Variants in TMEM106B observed in about 807,000 individuals in gnomAD.
TMEM106B encodes transmembrane protein 106B.
TMEM106B carries 15 observed loss-of-function variants against 31.1 expected under a neutral mutation model. That is an observed-to-expected ratio of 0.48 (90% CI 0.32 to 0.74). The LOEUF (loss-of-function observed/expected upper bound fraction) is 0.74, where lower values mean the gene tolerates loss of function less well. Among genes scored for constraint, TMEM106B ranks in the 30% least tolerant of loss-of-function variants. The pLI, the probability that TMEM106B is intolerant of heterozygous loss-of-function variation, is 0.03. For synonymous variants in TMEM106B, 126 were observed against 112.5 expected, an observed-to-expected ratio of 1.12 and a Z score of -0.76; for missense variants, 283 against 327.3, an observed-to-expected ratio of 0.86 and a Z score of 1.04.
In TMEM106B at chr7:12,238,817, T is replaced by A. The variant is rs1479238778; in HGVS notation, c.*6842T>A. On this transcript the variant is annotated 3_prime_UTR_variant, in exon 8 of 8. Coordinates refer to ENST00000396668, the MANE Select transcript of TMEM106B (RefSeq NM_001134232.2). Reference sequence around the variant, plus strand: ...TTAAAATATTCAGTGAACCGTGTTGTAAACAGATGTCATATTATCCAGACT... The same window carrying A: ...TTAAAATATTCAGTGAACCGTGTTGAAAACAGATGTCATATTATCCAGACT... 6.6e-6 allele frequency: 1 copy of A among 152,188 alleles called. No individual in the cohort carries two copies. The highest frequency in any genetic ancestry group is 1.5e-5 in the Non-Finnish European group (1 of 68,022). The allele number at this position is 152,188 out of a possible 1,614,324, so 9.4% of individuals were successfully genotyped here. A position where few individuals can be genotyped will look rare whatever the true frequency, so the allele number is the denominator to read the frequency against.
Position 12,223,803 on chromosome 7 carries a change from C to G in TMEM106B, c.282-423C>G, listed in dbSNP as rs7779603. ...TGGTGCGATCTCAGTTCACTCCAACCTCTGCCTCCCGGGTTCAAACTATTC... is the reference window on the plus strand; with the variant it reads ...TGGTGCGATCTCAGTTCACTCCAACGTCTGCCTCCCGGGTTCAAACTATTC... On this transcript the variant is annotated intron_variant, in intron 3 of 7. Transcript: ENST00000396668. Among the ~76,000 whole-genome samples the G allele has an allele frequency of 4.0e-3, 604 of 151,520 alleles. 5 individuals carry two copies. Among genetic ancestry groups the G allele is most frequent in the African/African-American group, 0.014 (576 of 41,136 alleles).
intron 3 of TMEM106B, among the ~76,000 whole-genome samples, chr7:12,218,837 T>C (rs1781736623): frequency 6.6e-6 from 1 of 152,052 alleles, no homozygotes; most frequent in African/African-American, 2.4e-5. Context: ...AACCCCAGGA[T>C]AAAAATTGGT....
Position 12,242,816 on chromosome 7 carries a change from CA to C in TMEM106B, c.*10843del, listed in dbSNP as rs573955201. On this transcript the variant is annotated 3_prime_UTR_variant, in exon 8 of 8. Coordinates refer to ENST00000396668, the MANE Select transcript of TMEM106B (RefSeq NM_001134232.2). ...TTTAAAAAAAAGAAGTGAATATTTTCAATACTTATGAACCATAGAATTCTGT... is the reference window on the plus strand; with the variant it reads ...TTTAAAAAAAAGAAGTGAATATTTTCATACTTATGAACCATAGAATTCTGT... 159 of 152,150 alleles carry C rather than the reference CA, an allele frequency of 1.0e-3. No individual in the cohort carries two copies. In the Middle Eastern group the frequency reaches 0.017, roughly 16 times the overall value. 9.4% of individuals were successfully genotyped at this position (152,150 alleles called of 1,614,324 possible). A position where few individuals can be genotyped will look rare whatever the true frequency, so the allele number is the denominator to read the frequency against.
chr7:12,232,621 T>C lies in TMEM106B; in HGVS notation c.*646T>C, dbSNP rs1488494258. 6.6e-6 allele frequency: 1 copy of C among 152,332 alleles called. No homozygotes were observed. Among genetic ancestry groups the C allele is most frequent in the Non-Finnish European group, 1.5e-5 (1 of 67,798 alleles). The allele number at this position is 152,332 out of a possible 1,614,324, so 9.4% of individuals were successfully genotyped here. A position where few individuals can be genotyped will look rare whatever the true frequency, so the allele number is the denominator to read the frequency against. Reference sequence around the variant, plus strand: ...CCTAAAATTTTGAAAGCCCCTAATGTTTTCACACATCTTTCTGTATTAGTT... The same window carrying C: ...CCTAAAATTTTGAAAGCCCCTAATGCTTTCACACATCTTTCTGTATTAGTT... On this transcript the variant is annotated 3_prime_UTR_variant, in exon 8 of 8. Transcript: ENST00000396668.
intron 2 of TMEM106B, 108 bp downstream of exon 2, chr7:12,215,135 T>A: frequency 1.2e-6 from 1 of 852,568 alleles, no homozygotes; most frequent in Non-Finnish European, 1.8e-6. Flanking sequence ...CTCTTAGAAT[T>A]AAAGTTGAAA....
chr7:12,219,034 T>A (rs987540466), intron 3 of TMEM106B, among the ~76,000 whole-genome samples: 2 of 109,210 alleles, frequency 1.8e-5, no homozygotes, highest in Non-Finnish European at 1.8e-5. Flanking sequence ...AAGATTTGCA[T>A]GCTCTAGCTT....
At chr7:12,222,477 C>T (rs1781807062) in intron 3 of TMEM106B, among the ~76,000 whole-genome samples, 1 of 152,026 alleles carries the variant, frequency 6.6e-6, no homozygotes, top group Non-Finnish European at 1.5e-5. Flanking sequence ...CTTATAAGCC[C>T]TAAGGACTAG....
chr7:12,242,374 C>T lies in TMEM106B; in HGVS notation c.*10399C>T, dbSNP rs1348754995. 1.8e-4 allele frequency: 3 copies of T among 16,626 alleles called. 1 individual carries two copies. The highest frequency in any genetic ancestry group is 2.0e-3 in the African/African-American group (2 of 1,006). The allele number at this position is 16,626 out of a possible 1,614,324, so 1.0% of individuals were successfully genotyped here. A position where few individuals can be genotyped will look rare whatever the true frequency, so the allele number is the denominator to read the frequency against. ...CGGCCTGGGCGACAGAGCGAGACTC[C>T]GTCTCAAAAAAAAAAAAAAAAAAAA... On this transcript the variant is annotated 3_prime_UTR_variant, in exon 8 of 8. Coordinates refer to ENST00000396668, the MANE Select transcript of TMEM106B (RefSeq NM_001134232.2).
At chr7:12,225,734 T>G (rs1361196670) in intron 4 of TMEM106B, among the ~76,000 whole-genome samples, 1 of 152,100 alleles carries the variant, frequency 6.6e-6, no homozygotes, top group Non-Finnish European at 1.5e-5. Flanking sequence ...TTTTTTAAGT[T>G]CTTTGTAGAT....
chr7:12,216,038 G>A (rs1020006), intron 2 of TMEM106B, among the ~76,000 whole-genome samples: 76,043 of 151,710 alleles, frequency 0.5, 19,933 homozygotes, highest in African/African-American at 0.64. Context: ...TATACTTTGT[G>A]TACCTTTTTA....
rs1425639394 is a variant in TMEM106B at position 12,238,900 on chromosome 7, C to A, written c.*6925C>A. On this transcript the variant is annotated 3_prime_UTR_variant, in exon 8 of 8. Coordinates refer to ENST00000396668, the MANE Select transcript of TMEM106B (RefSeq NM_001134232.2). ...AAAGTTTTAAGGGTCCTAGGATTTTCAGGATGGCAAATGAGCATTGGCTTC... is the reference window on the plus strand; with the variant it reads ...AAAGTTTTAAGGGTCCTAGGATTTTAAGGATGGCAAATGAGCATTGGCTTC... The A allele has an allele frequency of 6.6e-6, 1 of 152,116 alleles. No individual in the cohort carries two copies. The highest frequency in any genetic ancestry group is 1.9e-4 in the East Asian group (1 of 5,188). The allele number at this position is 152,116 out of a possible 1,614,324, so 9.4% of individuals were successfully genotyped here. A position where few individuals can be genotyped will look rare whatever the true frequency, so the allele number is the denominator to read the frequency against.
At position 12,239,342 on chromosome 7, in the gene TMEM106B, T is replaced by G. The variant is rs1782200231; in HGVS notation, c.*7367T>G. On this transcript the variant is annotated 3_prime_UTR_variant, in exon 8 of 8. Transcript: ENST00000396668. ...ACTTAAGGCAATGTTGTGGCTGGTT[T>G]GATCTATTGAAACCACTAAAACATT... is the stretch of plus-strand genomic sequence containing the variant. 1 of 152,212 alleles carries G rather than the reference T, an allele frequency of 6.6e-6. No individual in the cohort carries two copies. The highest frequency in any genetic ancestry group is 2.4e-5 in the African/African-American group (1 of 41,456). The allele number at this position is 152,212 out of a possible 1,614,324, so 9.4% of individuals were successfully genotyped here.
At chr7:12,227,099 C>A (rs1001114767) in intron 4 of TMEM106B, among the ~76,000 whole-genome samples, 1 of 152,010 alleles carries the variant, frequency 6.6e-6, no homozygotes, top group Non-Finnish European at 1.5e-5. Flanking sequence ...CAGAAATTCT[C>A]ACATTTTGGA....
Position 12,216,013 on chromosome 7 carries a change from G to T in TMEM106B, c.217+986G>T, listed in dbSNP as rs77539912. Among the ~76,000 whole-genome samples, 189 of 152,054 alleles carry T rather than the reference G, an allele frequency of 1.2e-3. 2 individuals carry two copies. In the East Asian group the frequency reaches 0.02, roughly 16 times the overall value. ...CCCTGGAGATACCCAGAGGGAAGAA[G>T]GTCAAAGTATAAAGTATACTTTGTG... On this transcript the variant is annotated intron_variant, in intron 2 of 7. Coordinates refer to ENST00000396668, the MANE Select transcript of TMEM106B (RefSeq NM_001134232.2).
At position 12,240,436 on chromosome 7, in the gene TMEM106B, A is replaced by G. The variant is rs1216874247; in HGVS notation, c.*8461A>G. The stretch of plus-strand genomic sequence containing the variant: ...TTTTTTTGTTTTAAACTTGTTTTAA[A>G]CTTTTGTTTTCATCAACTTTTTTCA... On this transcript the variant is annotated 3_prime_UTR_variant, in exon 8 of 8. Coordinates refer to ENST00000396668, the MANE Select transcript of TMEM106B (RefSeq NM_001134232.2). The G allele has an allele frequency of 6.6e-6, 1 of 151,970 alleles. No homozygotes were observed. The highest frequency in any genetic ancestry group is 1.5e-5 in the Non-Finnish European group (1 of 67,960). 9.4% of individuals were successfully genotyped at this position (151,970 alleles called of 1,614,324 possible). A position where few individuals can be genotyped will look rare whatever the true frequency, so the allele number is the denominator to read the frequency against.
At chr7:12,217,602 A>C (rs10464275) in intron 2 of TMEM106B, among the ~76,000 whole-genome samples, 4,944 of 152,278 alleles carry the variant, frequency 0.032, 448 homozygotes, top group East Asian at 0.19. Context: ...AGTTTTAGCC[A>C]GATGAATACC....
At chr7:12,220,990 A>C (rs984707087) in intron 3 of TMEM106B, among the ~76,000 whole-genome samples, 2 of 152,086 alleles carry the variant, frequency 1.3e-5, no homozygotes, top group African/African-American at 4.8e-5. Flanking sequence ...TATACACACA[A>C]AGAGACAAAC....
rs1325875726 is a variant in TMEM106B at position 12,234,034 on chromosome 7, T to C, written c.*2059T>C. 6.6e-6 allele frequency: 1 copy of C among 151,828 alleles called. No individual in the cohort carries two copies. The highest frequency in any genetic ancestry group is 1.5e-5 in the Non-Finnish European group (1 of 67,706). The allele number at this position is 151,828 out of a possible 1,614,324, so 9.4% of individuals were successfully genotyped here. Reference sequence around the variant, plus strand: ...AGTTATTTTATCATATCCTTTCTATTATGTTCCCATCCTGTCCTCATGTCC... The same window carrying C: ...AGTTATTTTATCATATCCTTTCTATCATGTTCCCATCCTGTCCTCATGTCC... On this transcript the variant is annotated 3_prime_UTR_variant, in exon 8 of 8. Transcript: ENST00000396668.
At chr7:12,230,907 G>C (rs1782008653) in intron 6 of TMEM106B, 155 bp from the exon 7 acceptor site, 2 of 521,676 alleles carry the variant, frequency 3.8e-6, no homozygotes, top group Non-Finnish European at 6.7e-6. Flanking sequence ...AAGAAGTCAT[G>C]AATATATCAG....
Sources: gnomAD v4.1 joint callset for allele counts (sites outside exome capture counted in the v4.1 genomes callset) on GRCh38, gnomAD v4.1.1 for gene constraint, MANE v1.5 for transcripts, NCBI Gene and HGNC (gene_info 2026-07-23, HGNC 2026-07-21) for gene names.